Variants in RYR2 observed in about 807,000 individuals in gnomAD.
The protein encoded by RYR2 is cardiac muscle ryanodine receptor-calcium release channel.
RYR2 carries 227 observed loss-of-function variants against 601.1 expected under a neutral mutation model. The observed-to-expected ratio is 0.38, with a 90% CI of 0.34 to 0.42. The LOEUF (loss-of-function observed/expected upper bound fraction) is 0.42. Among genes scored for constraint, RYR2 ranks in the 10% least tolerant of loss-of-function variants. The pLI, the probability that RYR2 is intolerant of heterozygous loss-of-function variation, is 1.00. For synonymous variants in RYR2, 2,223 were observed against 2,175.1 expected, an observed-to-expected ratio of 1.02 and a Z score of -0.61; for missense variants, 4,646 against 6,156.5, an observed-to-expected ratio of 0.75 and a Z score of 8.21.
intron 1 of RYR2, among the ~76,000 whole-genome samples, chr1:237,208,523 C>T (rs1440531720): frequency 6.6e-6 from 1 of 152,056 alleles, no homozygotes; most frequent in Non-Finnish European, 1.5e-5. Flanking sequence ...GTTGGATGGA[C>T]CTGATTTTCA....
intron 1 of RYR2, among the ~76,000 whole-genome samples, chr1:237,044,941 T>TTTC (rs1170039603): frequency 1.5e-4 from 20 of 135,748 alleles, no homozygotes; most frequent in African/African-American, 3.9e-4. Context: ...ATATGAGTTA[T>TTTC]TTCTTCTTCT....
rs144379778 is a variant in RYR2 at position 237,687,526 on chromosome 1, T to TA, written c.9067+23dup. The TA allele has an allele frequency of 2.7e-3, 4,221 of 1,589,012 alleles. 3 individuals carry two copies. The highest frequency in any genetic ancestry group is 3.3e-3 in the Non-Finnish European group (3,843 of 1,160,354). On this transcript the variant is annotated intron_variant, in intron 63 of 104. Coordinates refer to ENST00000366574, the MANE Select transcript of RYR2 (RefSeq NM_001035.3). ...TTTGGTAAGGAGACCCTTGAAAAAA[T>TA]ACAAGCATGGCCATCACTTGGTTTT...
intron 2 of RYR2, among the ~76,000 whole-genome samples, chr1:237,313,940 CA>C (rs1311210746): frequency 4.4e-5 from 6 of 134,888 alleles, no homozygotes; most frequent in African/African-American, 1.7e-4. Context: ...ATTCAACTTC[CA>C]ATAACATTTT....
At chr1:237,118,583 A>ATTGT (rs754434401) in intron 1 of RYR2, among the ~76,000 whole-genome samples, 10 of 151,868 alleles carry the variant, frequency 6.6e-5, no homozygotes, top group African/African-American at 2.4e-4. Flanking sequence ...ATAGGGAGTT[A>ATTGT]TTGTTTGTTT....
At chr1:237,643,032 C>A (rs183379201) in intron 47 of RYR2, among the ~76,000 whole-genome samples, 2 of 152,142 alleles carry the variant, frequency 1.3e-5, no homozygotes, top group Non-Finnish European at 2.9e-5. Flanking sequence ...ACGTCAGATT[C>A]TCAGTATATC....
rs184757450 is a variant in RYR2 at position 237,325,723 on chromosome 1, A to G, written c.169-5155A>G. ...ACAAAACAAAACAAAAAATATATTA[A>G]AAAAAGAAAAAGGACTGGAAATATG... On this transcript the variant is annotated intron_variant, in intron 2 of 104. Transcript: ENST00000366574. 6.4e-3 allele frequency among the ~76,000 whole-genome samples: 972 copies of G among 152,162 alleles called. 26 individuals carry two copies. Among genetic ancestry groups the G allele is most frequent in the Admixed American group, 0.048 (740 of 15,272 alleles).
At chr1:237,203,001 C>T (rs1324742944) in intron 1 of RYR2, among the ~76,000 whole-genome samples, 1 of 152,158 alleles carries the variant, frequency 6.6e-6, no homozygotes, top group Non-Finnish European at 1.5e-5. Flanking sequence ...TTCTTGGAGG[C>T]AGGGGAGGCA....
intron 2 of RYR2, among the ~76,000 whole-genome samples, chr1:237,310,821 T>C (rs1694476558): frequency 6.6e-6 from 1 of 152,224 alleles, no homozygotes; most frequent in African/African-American, 2.4e-5. Context: ...CATTAATATT[T>C]ACTACACAGT....
At chr1:237,230,762 C>G (rs978352614) in intron 1 of RYR2, among the ~76,000 whole-genome samples, 1 of 152,030 alleles carries the variant, frequency 6.6e-6, no homozygotes, top group African/African-American at 2.4e-5. Context: ...AAAAACCCCT[C>G]TACTAAAAGT....
Position 237,707,110 on chromosome 1 carries a change from C to A in RYR2, c.9742C>A (p.Arg3248Ser), listed in dbSNP as rs1290534109. The change falls in exon 68 of 105, where the codon CGT becomes AGT. Residue 3248 changes from arginine (R) to serine (S), a missense_variant. Coordinates refer to ENST00000366574, the MANE Select transcript of RYR2 (RefSeq NM_001035.3). ...GCCCATGCTTTGCAGCTACATGTCT[C>A]GTTGGTGGGAGCATGGACCTGAGAA... ...ILPMLCSYMS[R>S]WWEHGPENNP... 1.2e-6 allele frequency: 2 copies of A among 1,613,730 alleles called. No homozygotes were observed. The highest frequency in any genetic ancestry group is 2.2e-5 in the South Asian group (2 of 91,076).
intron 10 of RYR2, among the ~76,000 whole-genome samples, chr1:237,388,734 A>G (rs950916248): frequency 2.4e-4 from 37 of 152,228 alleles, no homozygotes; most frequent in African/African-American, 8.0e-4. Flanking sequence ...AAGTGCACAA[A>G]TATTACAAAA....
At chr1:237,204,402 C>G (rs528019381) in intron 1 of RYR2, among the ~76,000 whole-genome samples, 3 of 151,434 alleles carry the variant, frequency 2.0e-5, no homozygotes, top group African/African-American at 4.9e-5. Context: ...TTTGAATATA[C>G]TAGAATTTAT....
intron 2 of RYR2, among the ~76,000 whole-genome samples, chr1:237,329,223 C>T (rs531488958): frequency 6.6e-6 from 1 of 152,096 alleles, no homozygotes; most frequent in South Asian, 2.1e-4. Context: ...TGCTCTGTCA[C>T]TCAGGTTTTC....
chr1:237,127,454 G>T (rs1280742852), intron 1 of RYR2, among the ~76,000 whole-genome samples: 1 of 151,034 alleles, frequency 6.6e-6, no homozygotes, highest in African/African-American at 2.4e-5. Context: ...GCGGCTGGCC[G>T]GGCAGGGGGC....
Position 237,717,269 on chromosome 1 carries a change from G to T in RYR2, c.10395G>T (p.Leu3465=). The T allele has an allele frequency of 6.2e-7, 1 of 1,613,660 alleles. No homozygotes were observed. Among genetic ancestry groups the T allele is most frequent in the Non-Finnish European group, 8.5e-7 (1 of 1,179,682 alleles). The change falls in exon 72 of 105, where the codon CTG becomes CTT. Residue 3465 remains leucine (L), a synonymous_variant. Coordinates refer to ENST00000366574, the MANE Select transcript of RYR2 (RefSeq NM_001035.3). The stretch of plus-strand genomic sequence containing the variant: ...ATCGGTATTCCATGCAGACCTCTCT[G>T]ATTGTAGCAGCTCTGAAGCGGTTAC... ...KGDRYSMQTS[L]IVAALKRLLP...
At chr1:237,537,890 A>T (rs1263977811) in intron 25 of RYR2, among the ~76,000 whole-genome samples, 1 of 152,184 alleles carries the variant, frequency 6.6e-6, no homozygotes, top group Non-Finnish European at 1.5e-5. Context: ...CAGAGTAATA[A>T]TTCTCTCTGG....
At chr1:237,045,108 G>A (rs998530311) in intron 1 of RYR2, among the ~76,000 whole-genome samples, 1 of 152,144 alleles carries the variant, frequency 6.6e-6, no homozygotes, top group East Asian at 1.9e-4. Context: ...CCGTAATTGT[G>A]AATTTGATGG....
At chr1:237,266,254 C>T (rs1166309156) in intron 1 of RYR2, among the ~76,000 whole-genome samples, 1 of 152,078 alleles carries the variant, frequency 6.6e-6, no homozygotes, top group Non-Finnish European at 1.5e-5. Flanking sequence ...CTTTATTGTC[C>T]TGTCAGGTAG....
At chr1:237,747,513 G>A (rs1040478957) in intron 80 of RYR2, among the ~76,000 whole-genome samples, 3 of 152,082 alleles carry the variant, frequency 2.0e-5, no homozygotes, top group African/African-American at 7.2e-5. Context: ...AACCAATTTA[G>A]GTCCAAAATG....
Sources: allele counts gnomAD v4.1 joint callset (sites outside exome capture counted in the v4.1 genomes callset), GRCh38; gene constraint gnomAD v4.1.1; transcripts MANE v1.5; gene names NCBI Gene and HGNC (gene_info 2026-07-23, HGNC 2026-07-21).